Variants in AFF3 observed in about 807,000 individuals in gnomAD.
AFF3 encodes the protein AF4/FMR2 family member 3.
A neutral mutation model predicts 129.7 loss-of-function variants in AFF3; 32 were observed. The observed-to-expected ratio is 0.25, with a 90% CI of 0.19 to 0.33. The LOEUF is 0.33. Ranked by LOEUF, AFF3 falls within the 10% of genes least tolerant of loss-of-function variation. The pLI is 1.00. For synonymous variants in AFF3, 644 were observed against 635.4 expected (o/e 1.01, Z -0.20); for missense variants, 1,373 against 1,592.0 (o/e 0.86, Z 2.34).
chr2:99,980,221 T>A (rs543335251), intron 7 of AFF3, among the ~76,000 whole-genome samples: 46 of 152,364 alleles, frequency 3.0e-4, no homozygotes, highest in African/African-American at 1.1e-3. Flanking sequence ...TTTCCCCTGC[T>A]GTTCCTCGAT....
chr2:99,777,757 G>A (rs1684023266), intron 8 of AFF3, among the ~76,000 whole-genome samples: 1 of 151,532 alleles, frequency 6.6e-6, no homozygotes, highest in African/African-American at 2.4e-5. Context: ...GCTGGTCTTG[G>A]CCAGGCAAGC....
In AFF3 at chr2:99,601,584, G is replaced by A. The variant is rs1208641296; in HGVS notation, c.1222C>T (p.Pro408Ser). The change falls in exon 14 of 25, where the codon CCT (proline) becomes TCT (serine). Residue 408 changes from proline to serine, a missense_variant. Physicochemically the swap from Pro to Ser is moderately conservative, Grantham distance 74. Around this residue, in one of 9 missense-constraint regions of AFF3, gnomAD observed 413 missense variants for 424.4 expected, o/e 0.97. Coordinates refer to ENST00000672756, the MANE Select transcript of AFF3 (RefSeq NM_001386135.1). The part of the protein sequence containing the change: ...VQQPNCRTSV[P>S]SSKGSSSSSS... ...CTGCTGCTGCTGCCCTTGCTGGAAG[G>A]CACCGAGGTTCTGCAGTTGGGCTGC... 6.3e-7 allele frequency: 1 copy of A among 1,598,880 alleles called. No individual in the cohort carries two copies. The highest frequency in any genetic ancestry group is 1.7e-5 in the Admixed American group (1 of 58,160).
chr2:99,554,333 G>A lies in AFF3; in HGVS notation c.3537C>T (p.Asp1179=), dbSNP rs1465159454. 2 of 1,614,096 alleles carry A rather than the reference G, an allele frequency of 1.2e-6. No individual in the cohort carries two copies. The highest frequency in any genetic ancestry group is 2.7e-5 in the African/African-American group (2 of 74,936). ...LHSYDYWEMA[D]NLAKENREFF... is the part of the protein sequence containing the mutation. ...CACCTCGGTTTTCCTTGGCCAGGTT[G>A]TCGGCCATCTCCCAGTAGTCGTAGC... Residue 1179 remains aspartate, a synonymous_variant, in exon 24 of 25, where the codon GAC becomes GAT. Coordinates refer to ENST00000672756, the MANE Select transcript of AFF3 (RefSeq NM_001386135.1).
At position 100,011,490 on chromosome 2, in the gene AFF3, A is replaced by G. The variant is rs756061018; in HGVS notation, c.54-2558T>C. ...TTCTCAGAAGGCCCCCATGCCCAAAATAATACCTCCTGCATCTGCTGGCTG... is the reference window on the plus strand; with the variant it reads ...TTCTCAGAAGGCCCCCATGCCCAAAGTAATACCTCCTGCATCTGCTGGCTG... On this transcript the variant is annotated intron_variant, in intron 4 of 24. Coordinates refer to ENST00000672756, the MANE Select transcript of AFF3 (RefSeq NM_001386135.1). The G allele has an allele frequency of 4.6e-5, 36 of 780,880 alleles. No individual in the cohort carries two copies. The Admixed American group carries it at 6.1e-4, about 13-fold the overall frequency. 48.4% of individuals were successfully genotyped at this position (780,880 alleles called of 1,614,324 possible). A position where few individuals can be genotyped will look rare whatever the true frequency, so the allele number is the denominator to read the frequency against.
chr2:100,113,000 C>A (rs1691578540), intron 2 of AFF3, among the ~76,000 whole-genome samples: 1 of 152,210 alleles, frequency 6.6e-6, no homozygotes, highest in Non-Finnish European at 1.5e-5. Context: ...TTTATTACAA[C>A]ATAAAGGGAA....
At chr2:99,859,119 C>T (rs146515632) in intron 7 of AFF3, among the ~76,000 whole-genome samples, 2 of 152,320 alleles carry the variant, frequency 1.3e-5, no homozygotes. Context: ...GGATGGCTTT[C>T]CTCTAATAGA....
At chr2:99,838,294 G>T (rs1212706602) in intron 7 of AFF3, among the ~76,000 whole-genome samples, 1 of 152,120 alleles carries the variant, frequency 6.6e-6, no homozygotes, top group Non-Finnish European at 1.5e-5. Flanking sequence ...TGGTCTCAGG[G>T]AGATCACTTC....
At chr2:100,009,986 C>G (rs1002191176) in intron 4 of AFF3, among the ~76,000 whole-genome samples, 14 of 152,162 alleles carry the variant, frequency 9.2e-5, no homozygotes, top group African/African-American at 2.7e-4. Context: ...GTCTAGTGGG[C>G]AGATGCTGAG....
intron 13 of AFF3, among the ~76,000 whole-genome samples, chr2:99,647,918 T>C (rs1296252770): frequency 2.6e-5 from 4 of 152,132 alleles, no homozygotes; most frequent in Admixed American, 6.5e-5. Context: ...AAAAAGGAAA[T>C]GGCATTGTTC....
intron 3 of AFF3, chr2:100,104,880 G>C (rs1254012317): frequency 6.1e-5 from 21 of 342,822 alleles, no homozygotes; most frequent in Non-Finnish European, 8.5e-5. Context: ...CGTGTGCGCG[G>C]GCGAGGCCGA....
chr2:100,106,127 T>A, intron 2 of AFF3: 1 of 1,250,254 alleles, frequency 8.0e-7, no homozygotes, highest in East Asian at 5.6e-5. Context: ...GAGATCGGAT[T>A]TGAGAATGCT....
intron 13 of AFF3, among the ~76,000 whole-genome samples, chr2:99,643,248 T>TG (rs1356143707): frequency 6.6e-6 from 1 of 151,960 alleles, no homozygotes; most frequent in African/African-American, 2.4e-5. Flanking sequence ...TTAGTAAAGA[T>TG]GGGATTTCAC....
chr2:99,562,587 G>T (rs1675568130), intron 20 of AFF3, among the ~76,000 whole-genome samples: 1 of 152,080 alleles, frequency 6.6e-6, no homozygotes, highest in African/African-American at 2.4e-5. Flanking sequence ...TTTTACGATG[G>T]CTGCTTTAAA....
intron 4 of AFF3, among the ~76,000 whole-genome samples, chr2:100,022,065 A>G (rs1184943469): frequency 6.6e-6 from 1 of 152,238 alleles, no homozygotes; most frequent in Non-Finnish European, 1.5e-5. Flanking sequence ...ATTAAGAATT[A>G]TGAATTATTT....
At chr2:99,616,780 A>G (rs1370430296) in intron 13 of AFF3, among the ~76,000 whole-genome samples, 1 of 152,116 alleles carries the variant, frequency 6.6e-6, no homozygotes, top group Non-Finnish European at 1.5e-5. Context: ...AACTGTGTAC[A>G]TCAGCAGTCA....
intron 7 of AFF3, among the ~76,000 whole-genome samples, chr2:99,923,592 A>C (rs1444903624): frequency 1.3e-5 from 2 of 152,222 alleles, no homozygotes; most frequent in Admixed American, 6.5e-5. Flanking sequence ...GTGAGGTCCA[A>C]TGAATTCACT....
At chr2:99,810,875 T>C (rs1415092168) in intron 8 of AFF3, among the ~76,000 whole-genome samples, 1 of 152,192 alleles carries the variant, frequency 6.6e-6, no homozygotes, top group East Asian at 1.9e-4. Context: ...TGGCCCCTTT[T>C]TCCATCTTCA....
At chr2:99,796,063 C>T (rs1685540322) in intron 8 of AFF3, among the ~76,000 whole-genome samples, 1 of 152,084 alleles carries the variant, frequency 6.6e-6, no homozygotes, top group South Asian at 2.1e-4. Context: ...GCCCAAAGGC[C>T]TCTTAACACC....
chr2:99,783,172 T>C (rs1013704673), intron 8 of AFF3, among the ~76,000 whole-genome samples: 10 of 152,176 alleles, frequency 6.6e-5, no homozygotes, highest in African/African-American at 1.9e-4. Flanking sequence ...AACTTTGAAA[T>C]GGTAATAAAG....
Sources: gnomAD v4.1 joint callset for allele counts (sites outside exome capture counted in the v4.1 genomes callset) on GRCh38, gnomAD v4.1.1 for gene constraint, gnomAD v4.1.1 regional missense constraint, MANE v1.5 for transcripts, NCBI Gene and HGNC (gene_info 2026-07-23, HGNC 2026-07-21) for gene names.